FUT8: variants seen among roughly 807,000 people sequenced by gnomAD.
The protein encoded by FUT8 is fucosyltransferase 8, also known as alpha-(1,6)-fucosyltransferase.
A neutral mutation model predicts 71.3 loss-of-function variants in FUT8; 29 were observed. That is an observed-to-expected ratio of 0.41 (90% CI 0.30 to 0.55). The LOEUF (loss-of-function observed/expected upper bound fraction) is 0.55, where lower values mean the gene tolerates loss of function less well. FUT8 is among the 20% of genes least tolerant of loss of function. The pLI, the probability that FUT8 is intolerant of heterozygous loss-of-function variation, is 0.34. For missense variants in FUT8, 544 were observed against 702.1 expected, an observed-to-expected ratio of 0.77 and a Z score of 2.55; for synonymous variants, 254 against 239.3, an observed-to-expected ratio of 1.06 and a Z score of -0.57.
At chr14:65,684,856 T>C (rs1893201780) in intron 7 of FUT8, among the ~76,000 whole-genome samples, 1 of 151,996 alleles carries the variant, frequency 6.6e-6, no homozygotes, top group Non-Finnish European at 1.5e-5. Flanking sequence ...ATTAAACCTC[T>C]TTTCTTTATA....
intron 1 of FUT8, among the ~76,000 whole-genome samples, chr14:65,434,584 A>G (rs770943236): frequency 1.3e-5 from 2 of 152,260 alleles, no homozygotes; most frequent in African/African-American, 2.4e-5. Flanking sequence ...AATAGTAGAC[A>G]CAGTGAAAGA....
chr14:65,736,049 G>T (rs1469991673), intron 10 of FUT8, among the ~76,000 whole-genome samples: 1 of 152,146 alleles, frequency 6.6e-6, no homozygotes, highest in Non-Finnish European at 1.5e-5. Flanking sequence ...CTGTGCTGTA[G>T]AGTCAGGATA....
chr14:65,646,054 T>C (rs1288147467), intron 6 of FUT8: 2 of 152,210 alleles, frequency 1.3e-5, no homozygotes, highest in Non-Finnish European at 2.9e-5. Context: ...GAGACAGATA[T>C]CTTAACTTAT....
chr14:65,664,056 G>A (rs1008423534), intron 6 of FUT8, among the ~76,000 whole-genome samples: 4 of 152,022 alleles, frequency 2.6e-5, no homozygotes, highest in Admixed American at 1.3e-4. Context: ...TATCTTTGCA[G>A]TAATTCAGTA....
intron 2 of FUT8, among the ~76,000 whole-genome samples, chr14:65,520,289 T>G (rs1254436816): frequency 6.6e-6 from 1 of 152,180 alleles, no homozygotes; most frequent in Admixed American, 6.5e-5. Context: ...AAATTTAATT[T>G]GGATTTAGTT....
chr14:65,689,634 G>A (rs1181588261), intron 7 of FUT8, among the ~76,000 whole-genome samples: 1 of 152,282 alleles, frequency 6.6e-6, no homozygotes, highest in African/African-American at 2.4e-5. Context: ...TGCCTCCCGG[G>A]TTCAAGCAAT....
At chr14:65,487,585 AC>A (rs2066428647) in intron 2 of FUT8, among the ~76,000 whole-genome samples, 1 of 150,542 alleles carries the variant, frequency 6.6e-6, no homozygotes, top group African/African-American at 2.4e-5. Context: ...AAAAAAAAAA[AC>A]TCAGTTTTTA....
chr14:65,611,297 A>C (rs1431933762), intron 3 of FUT8, among the ~76,000 whole-genome samples: 26 of 48,760 alleles, frequency 5.3e-4, no homozygotes, highest in African/African-American at 2.5e-3. Flanking sequence ...ACACACACAC[A>C]CACACCCCCC....
Position 65,638,332 on chromosome 14 carries a change from C to T in FUT8, c.597+8726C>T, listed in dbSNP as rs1161930504. ...AAGTGTTGCAATCACAGGCGTGAGC[C>T]ACTGTGTCCGGCCAGAAAGATTTTT... On this transcript the variant is annotated intron_variant, in intron 6 of 10. Transcript: ENST00000673929. The surrounding 1 kb of genome is among the most constrained non-coding windows in gnomAD (Gnocchi z 4.5). 1.3e-5 allele frequency among the ~76,000 whole-genome samples: 2 copies of T among 152,180 alleles called. No individual in the cohort carries two copies. Among genetic ancestry groups the T allele is most frequent in the Non-Finnish European group, 2.9e-5 (2 of 68,044 alleles).
chr14:65,412,669 A>T, upstream of FUT8: 1 of 193,490 alleles, frequency 5.2e-6, no homozygotes, highest in Non-Finnish European at 1.1e-5. Flanking sequence ...CGTAGGTGGC[A>T]GCGGCCGGCG....
chr14:65,419,815 C>T (rs2065267408), intron 1 of FUT8, among the ~76,000 whole-genome samples: 1 of 151,998 alleles, frequency 6.6e-6, no homozygotes, highest in African/African-American at 2.4e-5. Context: ...CTTGGTAAAC[C>T]GACCCCCTCA....
intron 3 of FUT8, among the ~76,000 whole-genome samples, chr14:65,584,176 AG>A (rs1887247524): frequency 9.4e-6 from 1 of 106,850 alleles, no homozygotes; most frequent in African/African-American, 3.2e-5. Flanking sequence ...CACCACGCCC[AG>A]CCTTTTTTTT....
At chr14:65,654,967 G>C (rs888343033) in intron 6 of FUT8, among the ~76,000 whole-genome samples, 1 of 151,878 alleles carries the variant, frequency 6.6e-6, no homozygotes, top group Admixed American at 6.5e-5. Context: ...TGGTCAGGCT[G>C]ATCTCGAACT....
At chr14:65,439,952 G>GTGTGTGTA (rs1555360982) in intron 1 of FUT8, among the ~76,000 whole-genome samples, 3 of 38,224 alleles carry the variant, frequency 7.8e-5, no homozygotes, top group Admixed American at 7.4e-4. Flanking sequence ...GTGTGTGTGT[G>GTGTGTGTA]TGTATATATA....
chr14:65,417,370 G>C (rs1343211460), intron 1 of FUT8, among the ~76,000 whole-genome samples: 2 of 152,086 alleles, frequency 1.3e-5, no homozygotes, highest in African/African-American at 2.4e-5. Context: ...TTGGAATAAT[G>C]GGAAATCAAA....
chr14:65,688,552 G>A (rs1024813335), intron 7 of FUT8, among the ~76,000 whole-genome samples: 1 of 150,076 alleles, frequency 6.7e-6, no homozygotes, highest in African/African-American at 2.5e-5. Flanking sequence ...AAAAGGCAGG[G>A]GAGTTGGGAT....
chr14:65,500,339 CGTCGTCATCATT>C (rs1484986863), intron 2 of FUT8, among the ~76,000 whole-genome samples: 16 of 152,086 alleles, frequency 1.1e-4, no homozygotes, highest in Admixed American at 7.2e-4. Context: ...TGGGCATCAT[CGTCGTCATCATT>C]GTCGTCATCA....
chr14:65,551,787 A>G (rs1885299970), intron 2 of FUT8, among the ~76,000 whole-genome samples: 1 of 152,178 alleles, frequency 6.6e-6, no homozygotes, highest in African/African-American at 2.4e-5. Context: ...GGGAGTTATG[A>G]TGATGGTAAT....
intron 1 of FUT8, among the ~76,000 whole-genome samples, chr14:65,449,739 G>A (rs1002084829): frequency 2.0e-5 from 3 of 152,106 alleles, no homozygotes; most frequent in South Asian, 4.1e-4. Flanking sequence ...CTAGGCTGTC[G>A]CCACCCCTGC....
Sources: gnomAD v4.1 joint callset for allele counts (sites outside exome capture counted in the v4.1 genomes callset) on GRCh38, gnomAD v4.1.1 for gene constraint, Gnocchi (gnomAD v3.1) non-coding constraint, MANE v1.5 for transcripts, NCBI Gene and HGNC (gene_info 2026-07-23, HGNC 2026-07-21) for gene names.